Variants in GPHN observed in about 807,000 individuals in gnomAD.
GPHN encodes gephyrin.
GPHN carries 17 observed loss-of-function variants against 95.5 expected under a neutral mutation model. The observed-to-expected ratio is 0.18, with a 90% CI of 0.12 to 0.27. The LOEUF (loss-of-function observed/expected upper bound fraction) is 0.27. Among genes scored for constraint, GPHN ranks in the 10% least tolerant of loss-of-function variants. GPHN has a pLI of 1.00. For missense variants in GPHN, 660 were observed against 978.1 expected (o/e 0.67, Z 4.34); for synonymous variants, 320 against 322.5 (o/e 0.99, Z 0.08).
chr14:67,208,252 T>C, the GPHN span: 1 of 1,614,000 alleles, frequency 6.2e-7, no homozygotes, highest in South Asian at 1.1e-5. Context: ...ATACAAAAAG[T>C]AAGAGTGAGT....
In GPHN at chr14:66,531,204, C is replaced by G. The variant is rs1005253296; in HGVS notation, c.64+22613C>G. Among the ~76,000 whole-genome samples the G allele has an allele frequency of 6.6e-5, 10 of 152,110 alleles. No individual in the cohort carries two copies. The East Asian group carries it at 1.2e-3, about 18-fold the overall frequency. Reference sequence around the variant, plus strand: ...CAGGTGATCCACCCGCCTTAGCCCCCCAAAGTGCTGGGATTACAGGCATGA... The same window carrying G: ...CAGGTGATCCACCCGCCTTAGCCCCGCAAAGTGCTGGGATTACAGGCATGA... On this transcript the variant is annotated intron_variant, in intron 1 of 22. Transcript: ENST00000478722.
the GPHN span, among the ~76,000 whole-genome samples, chr14:67,671,659 A>C: frequency 6.6e-6 from 1 of 152,274 alleles, no homozygotes; most frequent in Non-Finnish European, 1.5e-5. Context: ...TTGCTATAAC[A>C]GAATAGCTGA....
At chr14:67,307,214 T>C in the GPHN span, among the ~76,000 whole-genome samples, 3 of 152,336 alleles carry the variant, frequency 2.0e-5, no homozygotes, top group Non-Finnish European at 4.4e-5. Flanking sequence ...GCATACATTA[T>C]TCAAACGTAC....
the GPHN span, among the ~76,000 whole-genome samples, chr14:67,675,676 T>C: frequency 6.6e-6 from 1 of 152,186 alleles, no homozygotes; most frequent in Non-Finnish European, 1.5e-5. Context: ...ATAAAACATT[T>C]AATCTCTGCT....
the GPHN span, chr14:67,350,533 A>G: frequency 7.7e-7 from 1 of 1,300,346 alleles, no homozygotes; most frequent in Non-Finnish European, 1.1e-6. Context: ...TTTCTAAATT[A>G]AAAAATGCTT....
chr14:67,522,631 G>T, the GPHN span, among the ~76,000 whole-genome samples: 3 of 152,198 alleles, frequency 2.0e-5, no homozygotes, highest in Non-Finnish European at 4.4e-5. Flanking sequence ...TTAAGAATTT[G>T]TATCACAGCA....
intron 1 of GPHN, among the ~76,000 whole-genome samples, chr14:66,634,613 C>G (rs1286475256): frequency 6.6e-6 from 1 of 151,904 alleles, no homozygotes. Flanking sequence ...ATCCCTGGGC[C>G]GGGCTACACA....
At chr14:67,512,458 C>T in the GPHN span, among the ~76,000 whole-genome samples, 1 of 152,188 alleles carries the variant, frequency 6.6e-6, no homozygotes, top group Non-Finnish European at 1.5e-5. Context: ...CAGAAATTAT[C>T]CTTGCCTTAA....
intron 3 of GPHN, among the ~76,000 whole-genome samples, chr14:66,809,207 A>T (rs1396333599): frequency 6.6e-6 from 1 of 152,206 alleles, no homozygotes; most frequent in Non-Finnish European, 1.5e-5. Flanking sequence ...GCTTTATAGC[A>T]ATCTAGGTGA....
chr14:67,695,788 C>A, the GPHN span: 1 of 1,268,936 alleles, frequency 7.9e-7, no homozygotes, highest in Non-Finnish European at 1.1e-6. Context: ...CGCCCCAATT[C>A]AAATTGCGAC....
At chr14:66,859,708 A>C (rs2062951241) in intron 4 of GPHN, among the ~76,000 whole-genome samples, 1 of 152,230 alleles carries the variant, frequency 6.6e-6, no homozygotes, top group African/African-American at 2.4e-5. Context: ...TATTTTGAGG[A>C]AACTCAAATT....
intron 21 of GPHN, among the ~76,000 whole-genome samples, chr14:67,173,550 C>T (rs776520903): frequency 6.6e-6 from 1 of 152,070 alleles, no homozygotes; most frequent in Admixed American, 6.5e-5. Context: ...TAAAACCCAA[C>T]TGCAAATGAA....
intron 21 of GPHN, among the ~76,000 whole-genome samples, chr14:67,170,599 G>C (rs1211048046): frequency 3.3e-5 from 5 of 152,126 alleles, no homozygotes; most frequent in Non-Finnish European, 7.4e-5. Context: ...AGATGAGATG[G>C]TACTTTGTAA....
chr14:66,649,788 T>G (rs2153364160), intron 1 of GPHN, among the ~76,000 whole-genome samples: 1 of 152,314 alleles, frequency 6.6e-6, no homozygotes, highest in Non-Finnish European at 1.5e-5. Flanking sequence ...AAGCTGCATC[T>G]GACGTCAAGC....
At chr14:67,538,646 G>C in the GPHN span, among the ~76,000 whole-genome samples, 4 of 152,152 alleles carry the variant, frequency 2.6e-5, no homozygotes, top group Non-Finnish European at 5.9e-5. Context: ...GGGTTTGGCA[G>C]CAGGCACCCT....
the GPHN span, among the ~76,000 whole-genome samples, chr14:67,331,659 G>T: frequency 6.6e-6 from 1 of 152,054 alleles, no homozygotes; most frequent in Admixed American, 6.6e-5. Context: ...TACTAAATAA[G>T]TGATATAAGC....
At chr14:67,274,948 C>G in the GPHN span, among the ~76,000 whole-genome samples, 1 of 152,176 alleles carries the variant, frequency 6.6e-6, no homozygotes, top group South Asian at 2.1e-4. Flanking sequence ...TATAAGAATG[C>G]TTGTGATTTT....
At chr14:67,241,095 C>T in the GPHN span, 1 of 152,384 alleles carries the variant, frequency 6.6e-6, no homozygotes, top group South Asian at 2.1e-4. Context: ...GCCAGCTAGC[C>T]CGGAGCAGTC....
At chr14:67,209,852 A>G in the GPHN span, among the ~76,000 whole-genome samples, 4 of 151,686 alleles carry the variant, frequency 2.6e-5, no homozygotes, top group Non-Finnish European at 5.9e-5. Context: ...ACGAAAAAGT[A>G]TAATAGATTA....
Sources: allele counts gnomAD v4.1 joint callset (sites outside exome capture counted in the v4.1 genomes callset), GRCh38; gene constraint gnomAD v4.1.1; transcripts MANE v1.5; gene names NCBI Gene and HGNC (gene_info 2026-07-23, HGNC 2026-07-21).